MGAT5: variants seen among roughly 807,000 people sequenced by gnomAD.
MGAT5 encodes the protein alpha-1,6-mannosylglycoprotein 6-beta-N-acetylglucosaminyltransferase A.
MGAT5 carries 30 observed loss-of-function variants against 94.3 expected under a neutral mutation model. The observed-to-expected ratio is 0.32, with a 90% confidence interval of 0.24 to 0.43. MGAT5 has a LOEUF of 0.43. MGAT5 is among the 20% of genes least tolerant of loss of function. The pLI, the probability that MGAT5 is intolerant of heterozygous loss-of-function variation, is 1.00. For synonymous variants in MGAT5, 310 were observed against 322.9 expected (o/e 0.96, Z 0.43); for missense variants, 691 against 905.5 (o/e 0.76, Z 3.04).
chr2:134,429,603 A>G (rs1435503816), intron 14 of MGAT5, among the ~76,000 whole-genome samples: 1 of 152,258 alleles, frequency 6.6e-6, no homozygotes, highest in Non-Finnish European at 1.5e-5. Context: ...AGTGCTTAGA[A>G]CAGAGCCTGG....
At chr2:134,401,451 C>G (rs1375342120) in intron 10 of MGAT5, among the ~76,000 whole-genome samples, 1 of 152,104 alleles carries the variant, frequency 6.6e-6, no homozygotes, top group Non-Finnish European at 1.5e-5. Flanking sequence ...AGGAGTGGGT[C>G]CCCTCAGGTC....
At chr2:134,220,243 A>G (rs901445742) in intron 1 of MGAT5, among the ~76,000 whole-genome samples, 4 of 152,064 alleles carry the variant, frequency 2.6e-5, no homozygotes, top group Non-Finnish European at 5.9e-5. Flanking sequence ...ATTTCAGGAG[A>G]CTGCATTTCC....
At position 134,362,545 on chromosome 2, in the gene MGAT5, A is replaced by G. The variant is rs1680164828; in HGVS notation, c.1380+137A>G. On this transcript the variant is annotated intron_variant, in intron 10 of 15. Transcript: ENST00000281923. ...ACTTAGACATAAACAAGAATGTGCA[A>G]AGATTCAGTTGCTCAGCATTTGGGT... 9.7e-6 allele frequency: 11 copies of G among 1,128,398 alleles called. No homozygotes were observed. The South Asian group carries it at 1.7e-4, about 17-fold the overall frequency. The allele number at this position is 1,128,398 out of a possible 1,614,324, so 69.9% of individuals were successfully genotyped here. A position where few individuals can be genotyped will look rare whatever the true frequency, so the allele number is the denominator to read the frequency against.
At chr2:134,304,645 C>A (rs1396517037) in intron 2 of MGAT5, among the ~76,000 whole-genome samples, 6 of 152,136 alleles carry the variant, frequency 3.9e-5, no homozygotes, top group Non-Finnish European at 8.8e-5. Context: ...GTATTGGTAT[C>A]CAAATTTACA....
intron 2 of MGAT5, among the ~76,000 whole-genome samples, chr2:134,298,744 G>C (rs2105810396): frequency 6.6e-6 from 1 of 152,214 alleles, no homozygotes; most frequent in Middle Eastern, 3.4e-3. Context: ...CTTAGTCTAG[G>C]ATAGGAATTG....
rs1435462886 is a variant in MGAT5, at chr2:134,205,827, G to C, written c.-142-48435G>C. On this transcript the variant is annotated intron_variant, in intron 1 of 16. Coordinates refer to the MGAT5 transcript ENST00000409645. ...AAGGTGAGTTCTGGGAGAGAAGTCA[G>C]CTGGGGAATTGCTTCAGTGTCCTGA... 3.3e-5 allele frequency among the ~76,000 whole-genome samples: 5 copies of C among 152,214 alleles called. No individual in the cohort carries two copies. In the South Asian group the frequency reaches 1.0e-3, roughly 31 times the overall value.
intron 1 of MGAT5, among the ~76,000 whole-genome samples, chr2:134,215,572 A>G (rs569826454): frequency 5.1e-4 from 78 of 152,332 alleles, no homozygotes; most frequent in Non-Finnish European, 7.6e-4. Context: ...TCCATTCTCA[A>G]GAGATTGAGA....
In MGAT5 at chr2:134,254,283, C is replaced by G; in HGVS notation, c.-121C>G. Reference sequence around the variant, plus strand: ...ACAGCAGAATGGAAGTGAGGAAAGGCAACCAGCTGACACAGGAGCCAGAGT... The same window carrying G: ...ACAGCAGAATGGAAGTGAGGAAAGGGAACCAGCTGACACAGGAGCCAGAGT... On this transcript the variant is annotated 5_prime_UTR_variant, in exon 1 of 16. Transcript: ENST00000281923. 1 of 1,296,166 alleles carries G rather than the reference C, an allele frequency of 7.7e-7. No homozygotes were observed. The highest frequency in any genetic ancestry group is 1.4e-5 in the South Asian group (1 of 69,498). 80.3% of individuals were successfully genotyped at this position (1,296,166 alleles called of 1,614,324 possible). A position where few individuals can be genotyped will look rare whatever the true frequency, so the allele number is the denominator to read the frequency against.
At chr2:134,151,554 G>C (rs1687177548) in intron 1 of MGAT5, among the ~76,000 whole-genome samples, 1 of 131,516 alleles carries the variant, frequency 7.6e-6, no homozygotes, top group African/African-American at 2.9e-5. Flanking sequence ...ATGCCCTGTG[G>C]GACCCACTCA....
intron 5 of MGAT5, among the ~76,000 whole-genome samples, chr2:134,337,700 C>T (rs1245419100): frequency 1.3e-5 from 2 of 152,142 alleles, no homozygotes; most frequent in Non-Finnish European, 2.9e-5. Flanking sequence ...AAATTGTTCT[C>T]ACTCATGGCA....
At chr2:134,122,705 G>T (rs769064559) in intron 1 of MGAT5, among the ~76,000 whole-genome samples, 8 of 152,204 alleles carry the variant, frequency 5.3e-5, no homozygotes, top group Non-Finnish European at 8.8e-5. Flanking sequence ...CTTTGTTTCA[G>T]CCTGCCTTCT....
chr2:134,189,614 T>TG (rs1558978272), intron 1 of MGAT5, among the ~76,000 whole-genome samples: 5 of 139,620 alleles, frequency 3.6e-5, no homozygotes, highest in East Asian at 2.0e-4. Context: ...TTTTTTTTTT[T>TG]TTTTTTAAGA....
chr2:134,366,494 A>G (rs539468412), intron 10 of MGAT5, among the ~76,000 whole-genome samples: 1 of 152,324 alleles, frequency 6.6e-6, no homozygotes, highest in East Asian at 1.9e-4. Context: ...TTCTTTGACC[A>G]CGTCAGGAGA....
chr2:134,300,433 C>G (rs943449751), intron 2 of MGAT5, among the ~76,000 whole-genome samples: 1 of 152,088 alleles, frequency 6.6e-6, no homozygotes, highest in African/African-American at 2.4e-5. Flanking sequence ...TCTTTCTGCA[C>G]ATGTGCGGTT....
intron 1 of MGAT5, among the ~76,000 whole-genome samples, chr2:134,242,978 A>T (rs1682051865): frequency 6.6e-6 from 1 of 151,748 alleles, no homozygotes; most frequent in African/African-American, 2.4e-5. Context: ...TTTAAGGAGA[A>T]AACAAGCCTA....
intron 10 of MGAT5, among the ~76,000 whole-genome samples, chr2:134,395,728 G>A (rs556241867): frequency 2.6e-5 from 4 of 152,222 alleles, no homozygotes; most frequent in Non-Finnish European, 2.9e-5. Context: ...CACCCATTTA[G>A]CCTCAGAAAT....
At chr2:134,187,057 G>A (rs1479301070) in intron 1 of MGAT5, among the ~76,000 whole-genome samples, 1 of 152,182 alleles carries the variant, frequency 6.6e-6, no homozygotes, top group Admixed American at 6.5e-5. Context: ...GGGGCCTTGA[G>A]GCAGGAACAA....
chr2:134,186,829 A>C (rs887417756), intron 1 of MGAT5, among the ~76,000 whole-genome samples: 3 of 152,214 alleles, frequency 2.0e-5, no homozygotes, highest in African/African-American at 7.2e-5. Flanking sequence ...CTGGAGGTAC[A>C]GTGATGAATA....
At chr2:134,372,755 C>A (rs926860525) in intron 10 of MGAT5, among the ~76,000 whole-genome samples, 10 of 152,214 alleles carry the variant, frequency 6.6e-5, no homozygotes, top group African/African-American at 2.4e-4. Flanking sequence ...AAACCACTAG[C>A]CAGTTGCTTA....
Sources: gnomAD v4.1 joint callset for allele counts (sites outside exome capture counted in the v4.1 genomes callset) on GRCh38, gnomAD v4.1.1 for gene constraint, MANE v1.5 for transcripts, NCBI Gene and HGNC (gene_info 2026-07-23, HGNC 2026-07-21) for gene names.